ELP4: variants seen among roughly 807,000 people sequenced by gnomAD.
The protein encoded by ELP4 is elongator complex protein 4.
A neutral mutation model predicts 48.9 loss-of-function variants in ELP4; 51 were observed. The observed-to-expected ratio is 1.04, with a 90% confidence interval of 0.83 to 1.32. ELP4 has a LOEUF of 1.32. ELP4 is among the 40% of genes most tolerant of loss of function. The probability of loss-of-function intolerance (pLI) is 0.00; values close to 1 mark genes in which losing one functional copy is unlikely to be tolerated. For synonymous variants in ELP4, 210 were observed against 189.2 expected, an observed-to-expected ratio of 1.11 and a Z score of -0.90; for missense variants, 519 against 514.6, an observed-to-expected ratio of 1.01 and a Z score of -0.08.
chr11:31,602,169 G>C (rs1246821297), intron 4 of ELP4, among the ~76,000 whole-genome samples: 2 of 152,000 alleles, frequency 1.3e-5, no homozygotes, highest in Non-Finnish European at 1.5e-5. Flanking sequence ...GTTAGTCAAG[G>C]CCTTTCTAAA....
intron 6 of ELP4, among the ~76,000 whole-genome samples, chr11:31,630,631 T>C (rs1402215390): frequency 6.6e-6 from 1 of 152,046 alleles, no homozygotes; most frequent in Admixed American, 6.6e-5. Flanking sequence ...GCCTGGCTTC[T>C]CCTTTTAATT....
At chr11:31,693,678 G>A (rs551935330) in intron 9 of ELP4, among the ~76,000 whole-genome samples, 3 of 152,318 alleles carry the variant, frequency 2.0e-5, no homozygotes, top group South Asian at 2.1e-4. Flanking sequence ...TATATACCCA[G>A]TAATGGGATG....
At chr11:31,682,905 T>G (rs556268300) in intron 9 of ELP4, among the ~76,000 whole-genome samples, 1 of 152,276 alleles carries the variant, frequency 6.6e-6, no homozygotes, top group South Asian at 2.1e-4. Flanking sequence ...TATTACTTAT[T>G]TTGACACCTT....
At position 31,510,038 on chromosome 11, in the gene ELP4, C is replaced by T. The variant is rs776645096; in HGVS notation, c.223+31C>T. 7 of 1,592,334 alleles carry T rather than the reference C, an allele frequency of 4.4e-6. No individual in the cohort carries two copies. In the South Asian group the frequency reaches 5.5e-5, roughly 13 times the overall value. On this transcript the variant is annotated intron_variant, in intron 1 of 9. Coordinates refer to ENST00000640961, the MANE Select transcript of ELP4 (RefSeq NM_019040.5). ...TTCAGAGCGGAGATCTGGGCTCAGC[C>T]GAGGGGAAACTTAGGGAGGGGACCT...
At chr11:31,549,638 T>A (rs1264473169) in intron 3 of ELP4, among the ~76,000 whole-genome samples, 1 of 152,070 alleles carries the variant, frequency 6.6e-6, no homozygotes, top group Admixed American at 6.6e-5. Context: ...CATTACTGGG[T>A]ATATACCCAA....
intron 9 of ELP4, among the ~76,000 whole-genome samples, chr11:31,713,498 A>G (rs954531556): frequency 2.6e-5 from 4 of 152,194 alleles, no homozygotes; most frequent in South Asian, 2.1e-4. Context: ...GCTTCTCTTT[A>G]CTGAGCAATG....
At chr11:31,634,731 G>A (rs1944936831) in intron 7 of ELP4, among the ~76,000 whole-genome samples, 1 of 151,964 alleles carries the variant, frequency 6.6e-6, no homozygotes, top group Admixed American at 6.6e-5. Context: ...TTCAGCCCCT[G>A]TATAACTGGA....
intron 2 of ELP4, among the ~76,000 whole-genome samples, chr11:31,532,507 A>G (rs1238687404): frequency 6.6e-6 from 1 of 152,188 alleles, no homozygotes; most frequent in African/African-American, 2.4e-5. Context: ...TTCATTACTC[A>G]TAAATCACTC....
chr11:31,659,111 T>C (rs1227051352), intron 9 of ELP4, among the ~76,000 whole-genome samples: 3 of 152,116 alleles, frequency 2.0e-5, no homozygotes, highest in Admixed American at 1.3e-4. Flanking sequence ...AAGGTAGAAT[T>C]GTGGACCATA....
At chr11:31,604,529 C>A (rs1957837202) in intron 5 of ELP4, among the ~76,000 whole-genome samples, 1 of 151,770 alleles carries the variant, frequency 6.6e-6, no homozygotes. Flanking sequence ...CAGGACTTGA[C>A]ACTGAATAAT....
At chr11:31,513,020 A>G (rs1203769054) in intron 1 of ELP4, among the ~76,000 whole-genome samples, 1 of 151,986 alleles carries the variant, frequency 6.6e-6, no homozygotes, top group Non-Finnish European at 1.5e-5. Context: ...GAGTACCCTG[A>G]AAGAAGCTTA....
intron 9 of ELP4, among the ~76,000 whole-genome samples, chr11:31,681,274 A>G (rs977404758): frequency 6.6e-6 from 1 of 152,200 alleles, no homozygotes; most frequent in Non-Finnish European, 1.5e-5. Flanking sequence ...TGCGTTGTGA[A>G]TGGGGTTTCT....
intron 5 of ELP4, among the ~76,000 whole-genome samples, chr11:31,607,236 G>A (rs1266047366): frequency 2.0e-5 from 3 of 152,030 alleles, no homozygotes; most frequent in Non-Finnish European, 2.9e-5. Flanking sequence ...CCCAATCTAT[G>A]GTATTTTGTT....
At chr11:31,714,822 C>T (rs1185925563) in intron 9 of ELP4, 4 of 398,072 alleles carry the variant, frequency 1.0e-5, no homozygotes, top group Non-Finnish European at 1.3e-5. Context: ...TTTTTTCTGC[C>T]TCTCTCCTTC....
chr11:31,713,852 G>A lies in ELP4; in HGVS notation c.1143+63631G>A, dbSNP rs1946789704. Reference sequence around the variant, plus strand: ...CAACCTTCTTCTCTCCTCAAGGGGAGGTAACAGGGAAACTAAACATACAAA... The same window carrying A: ...CAACCTTCTTCTCTCCTCAAGGGGAAGTAACAGGGAAACTAAACATACAAA... On this transcript the variant is annotated intron_variant, in intron 9 of 9. Coordinates refer to ENST00000640961, the MANE Select transcript of ELP4 (RefSeq NM_019040.5). 3.3e-5 allele frequency among the ~76,000 whole-genome samples: 5 copies of A among 152,216 alleles called. No individual in the cohort carries two copies. The South Asian group carries it at 1.0e-3, about 32-fold the overall frequency.
chr11:31,707,822 C>T (rs1340515666), intron 9 of ELP4, among the ~76,000 whole-genome samples: 1 of 152,168 alleles, frequency 6.6e-6, no homozygotes, highest in Admixed American at 6.6e-5. Flanking sequence ...GGCCTCATCA[C>T]TCTAACCTCT....
intron 3 of ELP4, among the ~76,000 whole-genome samples, chr11:31,549,229 C>A (rs1333135161): frequency 6.6e-6 from 1 of 151,346 alleles, no homozygotes; most frequent in Non-Finnish European, 1.5e-5. Context: ...ATTTTCGCAA[C>A]CTACTCATCT....
chr11:31,548,748 A>G (rs952970106), intron 3 of ELP4, among the ~76,000 whole-genome samples: 2 of 152,210 alleles, frequency 1.3e-5, no homozygotes, highest in African/African-American at 4.8e-5. Context: ...CTACAAGGCT[A>G]CAGTAACCAA....
At chr11:31,532,916 C>T (rs1044220622) in intron 2 of ELP4, among the ~76,000 whole-genome samples, 2 of 151,662 alleles carry the variant, frequency 1.3e-5, no homozygotes, top group Admixed American at 1.3e-4. Context: ...AGATTACAGG[C>T]GTGCACCACC....
Sources: gnomAD v4.1 joint callset for allele counts (sites outside exome capture counted in the v4.1 genomes callset) on GRCh38, gnomAD v4.1.1 for gene constraint, MANE v1.5 for transcripts, NCBI Gene and HGNC (gene_info 2026-07-23, HGNC 2026-07-21) for gene names.